Variants in SCG5 observed in about 807,000 individuals in gnomAD.
SCG5 encodes neuroendocrine protein 7B2.
Under a neutral mutation model 25.7 loss-of-function variants are expected in SCG5, and 18 were observed. The ratio of observed to expected loss-of-function variants is 0.70; its 90% CI spans 0.48 to 1.04. SCG5 has a LOEUF of 1.04. Among genes scored for constraint, SCG5 ranks in the 50% least tolerant of loss-of-function variants. The probability of loss-of-function intolerance (pLI) is 0.00; values close to 1 mark genes in which losing one functional copy is unlikely to be tolerated. For missense variants in SCG5, 206 were observed against 259.8 expected (o/e 0.79, Z 1.42); for synonymous variants, 101 against 91.7 (o/e 1.10, Z -0.58).
In SCG5 at chr15:32,643,720, T is replaced by G. The variant is rs769999982; in HGVS notation, c.128T>G (p.Leu43Arg). 6.2e-7 allele frequency: 1 copy of G among 1,614,024 alleles called. No individual in the cohort carries two copies. The highest frequency in any genetic ancestry group is 8.5e-7 in the Non-Finnish European group (1 of 1,179,898). Reference sequence around the variant, plus strand: ...GTCTCAGAAGCAGATATCCAGAGGCTGCTTCATGGTGTTATGGAGCAATTG... The same window carrying G: ...GTCTCAGAAGCAGATATCCAGAGGCGGCTTCATGGTGTTATGGAGCAATTG... ...DRVSEADIQR[L>R]LHGVMEQLGI... The change falls in exon 2 of 6, where the codon CTG becomes CGG. Residue 43 changes from leucine to arginine, a missense_variant. Coordinates refer to ENST00000300175, the MANE Select transcript of SCG5 (RefSeq NM_001144757.3).
rs1186430070 is a variant in SCG5, at chr15:32,679,747, A to G, written c.227-19A>G. 6.8e-6 allele frequency: 11 copies of G among 1,613,488 alleles called. No homozygotes were observed. The highest frequency in any genetic ancestry group is 1.3e-5 in the African/African-American group (1 of 75,026). On this transcript the variant is annotated intron_variant, in intron 2 of 5. Transcript: ENST00000300175. ...TAATTGAATTGCACTGCAATGAACT[A>G]CTTCTGATTCCCTCGCAGGTGGAGC... is the stretch of plus-strand genomic sequence containing the variant.
chr15:32,680,388 C>T (rs191089878), intron 3 of SCG5, among the ~76,000 whole-genome samples: 3 of 151,824 alleles, frequency 2.0e-5, no homozygotes, highest in East Asian at 3.9e-4. Context: ...TTAGTAGAGA[C>T]GGGGATTCAG....
chr15:32,677,185 A>G (rs1031789968), intron 2 of SCG5, among the ~76,000 whole-genome samples: 1 of 152,200 alleles, frequency 6.6e-6, no homozygotes, highest in Non-Finnish European at 1.5e-5. Flanking sequence ...TCTGGGCTAG[A>G]TACTTCTCAT....
At chr15:32,688,136 C>T (rs1244098244) in intron 4 of SCG5, among the ~76,000 whole-genome samples, 2 of 152,140 alleles carry the variant, frequency 1.3e-5, no homozygotes, top group African/African-American at 2.4e-5. Flanking sequence ...CATTCCCTAT[C>T]TTTTCATGGC....
rs1204215653 is a variant in SCG5, at chr15:32,679,827, A to G, written c.288A>G (p.Ala96=). 5.6e-6 allele frequency: 9 copies of G among 1,613,862 alleles called. No homozygotes were observed. Among genetic ancestry groups the G allele is most frequent in the Admixed American group, 1.7e-5 (1 of 60,012 alleles). ...GPFGNIPNIV[A]ELTGDNIPKD... Reference sequence around the variant, plus strand: ...TTGGCAACATCCCCAACATCGTGGCAGAGTTGACTGGAGACAACATTCCTA... The same window carrying G: ...TTGGCAACATCCCCAACATCGTGGCGGAGTTGACTGGAGACAACATTCCTA... The change falls in exon 3 of 6, where the codon GCA becomes GCG. Residue 96 remains alanine (A), a synonymous_variant. Transcript: ENST00000300175.
chr15:32,668,825 C>T (rs2054366900), intron 2 of SCG5, among the ~76,000 whole-genome samples: 1 of 152,238 alleles, frequency 6.6e-6, no homozygotes, highest in Non-Finnish European at 1.5e-5. Flanking sequence ...TTGCTTCTCT[C>T]TTCCCTAAGC....
Position 32,684,637 on chromosome 15 carries a change from C to A in SCG5, c.457C>A (p.Pro153Thr). ...EFQLHQHLFD[P>T]EHDYPGLGKW... The stretch of plus-strand genomic sequence containing the variant: ...CCAGTTGCACCAGCATCTCTTTGAT[C>A]CGGAACATGACTATCCAGGCTTGGG... The change falls in exon 4 of 6, where the codon CCG (proline) becomes ACG (threonine). Residue 153 changes from proline (P) to threonine (T), a missense_variant. Pro to Thr is a conservative substitution (Grantham distance 38). Coordinates refer to ENST00000300175, the MANE Select transcript of SCG5 (RefSeq NM_001144757.3). The A allele has an allele frequency of 6.2e-7, 1 of 1,613,600 alleles. No homozygotes were observed. Among genetic ancestry groups the A allele is most frequent in the Non-Finnish European group, 8.5e-7 (1 of 1,179,648 alleles).
At chr15:32,655,272 C>T (rs553853199) in intron 2 of SCG5, among the ~76,000 whole-genome samples, 4 of 151,844 alleles carry the variant, frequency 2.6e-5, no homozygotes, top group South Asian at 2.1e-4. Context: ...CGTGCCACTG[C>T]ACTCCAGCCT....
intron 2 of SCG5, among the ~76,000 whole-genome samples, chr15:32,657,199 G>GTGTATATATATA (rs2054131495): frequency 1.5e-4 from 1 of 6,672 alleles, no homozygotes; most frequent in African/African-American, 5.1e-4. Flanking sequence ...TCATCCTCCT[G>GTGTATATATATA]TATATATATA....
chr15:32,679,649 A>G, intron 2 of SCG5, 117 bp from the exon 3 acceptor site: 1 of 1,110,936 alleles, frequency 9.0e-7, no homozygotes, highest in Admixed American at 2.0e-5. Context: ...CATTTCATTT[A>G]TTTTTCTCTC....
At chr15:32,679,726 T>C (rs1196385401) in intron 2 of SCG5, 40 bp from the exon 3 acceptor site, 1 of 1,606,440 alleles carries the variant, frequency 6.2e-7, no homozygotes, top group African/African-American at 1.3e-5. Flanking sequence ...TGAAATTAAT[T>C]GAATTGCACT....
Position 32,643,664 on chromosome 15 carries a change from A to G in SCG5, c.72A>G (p.Ala24=), listed in dbSNP as rs187406342. 26 of 1,613,944 alleles carry G rather than the reference A, an allele frequency of 1.6e-5. No individual in the cohort carries two copies. The highest frequency in any genetic ancestry group is 3.3e-4 in the Middle Eastern group (2 of 6,062). Reference sequence around the variant, plus strand: ...GGCTGGCATCTGGATGGACTCCAGCATTTGCTTACAGCCCCCGGACCCCTG... The same window carrying G: ...GGCTGGCATCTGGATGGACTCCAGCGTTTGCTTACAGCCCCCGGACCCCTG... ...LFWLASGWTP[A]FAYSPRTPDR... is the part of the protein sequence containing the mutation. Residue 24 remains alanine (A), a synonymous_variant, in exon 2 of 6, where the codon GCA becomes GCG. Coordinates refer to ENST00000300175, the MANE Select transcript of SCG5 (RefSeq NM_001144757.3).
chr15:32,684,937 G>GGA (rs2054679346), intron 4 of SCG5, among the ~76,000 whole-genome samples: 1 of 152,102 alleles, frequency 6.6e-6, no homozygotes, highest in Admixed American at 6.5e-5. Context: ...CTGCTTCACA[G>GGA]CCTGTGTCAT....
chr15:32,692,515 T>C (rs1248414618), intron 5 of SCG5, among the ~76,000 whole-genome samples: 1 of 152,236 alleles, frequency 6.6e-6, no homozygotes, highest in Non-Finnish European at 1.5e-5. Flanking sequence ...ATTCTGCTAA[T>C]CCACTGGTAC....
intron 2 of SCG5, among the ~76,000 whole-genome samples, chr15:32,655,245 T>C (rs887370313): frequency 2.2e-4 from 34 of 151,970 alleles, no homozygotes; most frequent in Admixed American, 1.7e-3. Context: ...GAGGCGGAGC[T>C]TGCAGTGAGC....
intron 2 of SCG5, among the ~76,000 whole-genome samples, chr15:32,655,440 C>A (rs1469555041): frequency 6.6e-6 from 1 of 152,218 alleles, no homozygotes; most frequent in African/African-American, 2.4e-5. Flanking sequence ...TTAAGTTCGG[C>A]ACCACCATGC....
At chr15:32,653,619 A>C (rs1267900916) in intron 2 of SCG5, among the ~76,000 whole-genome samples, 1 of 152,242 alleles carries the variant, frequency 6.6e-6, no homozygotes, top group Non-Finnish European at 1.5e-5. Flanking sequence ...TGTAAGACAG[A>C]CTGGAGACTT....
At chr15:32,659,355 G>A (rs905505176) in intron 2 of SCG5, among the ~76,000 whole-genome samples, 4 of 152,190 alleles carry the variant, frequency 2.6e-5, no homozygotes, top group Non-Finnish European at 5.9e-5. Flanking sequence ...AGCTCCCAGA[G>A]TGTCAGACAC....
chr15:32,679,924 T>A lies in SCG5; in HGVS notation c.376+9T>A, dbSNP rs2054587581. Reference sequence around the variant, plus strand: ...TCCTGTTGGAAAAACAGGTAACAGATATGCCTTTGGGTTCCCATGAAAAGT... The same window carrying A: ...TCCTGTTGGAAAAACAGGTAACAGAAATGCCTTTGGGTTCCCATGAAAAGT... On this transcript the variant is annotated intron_variant, in intron 3 of 5. Transcript: ENST00000300175. The A allele has an allele frequency of 8.7e-6, 14 of 1,600,392 alleles. No individual in the cohort carries two copies. Among genetic ancestry groups the A allele is most frequent in the Non-Finnish European group, 1.2e-5 (14 of 1,172,486 alleles).
Sources: allele counts gnomAD v4.1 joint callset (sites outside exome capture counted in the v4.1 genomes callset), GRCh38; gene constraint gnomAD v4.1.1; transcripts MANE v1.5; gene names NCBI Gene and HGNC (gene_info 2026-07-23, HGNC 2026-07-21).